The following UBAP1L variants were observed in gnomAD, a reference collection of about 807,000 sequenced individuals.
The protein encoded by UBAP1L is ubiquitin-associated protein 1-like.
Under a neutral mutation model 32.1 loss-of-function variants are expected in UBAP1L, and 32 were observed. The observed-to-expected ratio is 1.00, with a 90% CI of 0.75 to 1.34. UBAP1L has a LOEUF of 1.34. UBAP1L is among the 40% of genes most tolerant of loss of function. UBAP1L has a pLI of 0.00. For synonymous variants in UBAP1L, 243 were observed against 250.2 expected, an observed-to-expected ratio of 0.97 and a Z score of 0.27; for missense variants, 516 against 540.5, an observed-to-expected ratio of 0.95 and a Z score of 0.45.
chr15:65,095,975 CTG>C (rs1294566335), intron 4 of UBAP1L: 3 of 152,192 alleles, frequency 2.0e-5, no homozygotes, highest in Non-Finnish European at 4.4e-5. Context: ...GTTGAGGAAA[CTG>C]AGGTTCAGGC....
Position 65,102,201 on chromosome 15 carries a change from G to C in UBAP1L, c.604C>G (p.Pro202Ala), listed in dbSNP as rs1340489929. The change falls in exon 3 of 6, where the codon CCC becomes GCC. Residue 202 changes from proline to alanine, a missense_variant. Pro to Ala is a conservative substitution (Grantham distance 27). Coordinates refer to ENST00000559089, the MANE Select transcript of UBAP1L (RefSeq NM_001163692.2). The surrounding 1 kb of genome is among the most constrained non-coding windows in gnomAD (Gnocchi z 5.0). Reference protein sequence around the residue: ...QSPRSASPPGPAPQHPAAPAS... With the variant: ...QSPRSASPPGAAPQHPAAPAS... Reference sequence around the variant, plus strand: ...GGGGCGGCGGGGTGCTGGGGCGCGGGCCCCGGGGGTGATGCAGACCTGGGG... The same window carrying C: ...GGGGCGGCGGGGTGCTGGGGCGCGGCCCCCGGGGGTGATGCAGACCTGGGG... 2 of 1,201,424 alleles carry C rather than the reference G, an allele frequency of 1.7e-6. No individual in the cohort carries two copies. The highest frequency in any genetic ancestry group is 2.1e-6 in the Non-Finnish European group (2 of 968,660). The allele number at this position is 1,201,424 out of a possible 1,614,324, so 74.4% of individuals were successfully genotyped here. A position where few individuals can be genotyped will look rare whatever the true frequency, so the allele number is the denominator to read the frequency against.
rs186801234 is a variant in UBAP1L, at chr15:65,110,698, A to G, written c.-173-4310T>C. On this transcript the variant is annotated intron_variant, in intron 1 of 5. Coordinates refer to ENST00000559089, the MANE Select transcript of UBAP1L (RefSeq NM_001163692.2). The stretch of plus-strand genomic sequence containing the variant: ...AGACTCTGTCTCAAAAAAAAAAAAA[A>G]AAAAGAAAAGAAAAGAAAAAGAACA... Among the ~76,000 whole-genome samples, 1,024 of 150,844 alleles carry G rather than the reference A, an allele frequency of 6.8e-3. 5 individuals are homozygous for G. The highest frequency in any genetic ancestry group is 0.013 in the East Asian group (65 of 5,158).
At position 65,094,628 on chromosome 15, in the gene UBAP1L, C is replaced by T. The variant is rs1157453317; in HGVS notation, c.910-52G>A. 1.1e-5 allele frequency: 15 copies of T among 1,385,434 alleles called. No individual in the cohort carries two copies. Among genetic ancestry groups the T allele is most frequent in the Non-Finnish European group, 1.5e-5 (15 of 998,974 alleles). The allele number at this position is 1,385,434 out of a possible 1,614,324, so 85.8% of individuals were successfully genotyped here. ...GGGAGGGTAAGAGGAGCAGCCGGGG[C>T]AGCAGACAGGGCAGAGAGGCACTCC... On this transcript the variant is annotated intron_variant, in intron 4 of 5. Coordinates refer to ENST00000559089, the MANE Select transcript of UBAP1L (RefSeq NM_001163692.2). This position sits in a 1 kb window ranked among gnomAD's most constrained non-coding sequence, Gnocchi z 4.2.
intron 1 of UBAP1L, among the ~76,000 whole-genome samples, chr15:65,109,560 TCA>T (rs1595923748): frequency 7.0e-6 from 1 of 142,266 alleles, no homozygotes; most frequent in Admixed American, 7.0e-5. Flanking sequence ...CAAAAACAAA[TCA>T]CAGAGTGGGA....
Position 65,094,756 on chromosome 15 carries a change from G to A in UBAP1L, c.910-180C>T. 1 of 615,228 alleles carries A rather than the reference G, an allele frequency of 1.6e-6. No homozygotes were observed. Among genetic ancestry groups the A allele is most frequent in the Non-Finnish European group, 2.9e-6 (1 of 342,770 alleles). The allele number at this position is 615,228 out of a possible 1,614,324, so 38.1% of individuals were successfully genotyped here. On this transcript the variant is annotated intron_variant, in intron 4 of 5. Transcript: ENST00000559089. The surrounding 1 kb of genome is among the most constrained non-coding windows in gnomAD (Gnocchi z 4.2). ...GAAGGGGGATAGAGGCTTTCTCTGAGTGCCTGGCGATAGGCAGACAATGGG... is the reference window on the plus strand; with the variant it reads ...GAAGGGGGATAGAGGCTTTCTCTGAATGCCTGGCGATAGGCAGACAATGGG...
rs1566969423 is a variant in UBAP1L, at chr15:65,109,501, A to C, written c.-173-3113T>G. On this transcript the variant is annotated intron_variant, in intron 1 of 5. Transcript: ENST00000559089. ...CTGTCTCAAAAAAAAAAAAAAAAAA[A>C]AAAACTTCCATTCATCAGAATATAC... 2.6e-5 allele frequency among the ~76,000 whole-genome samples: 4 copies of C among 151,370 alleles called. No homozygotes were observed. The South Asian group carries it at 8.3e-4, about 32-fold the overall frequency.
chr15:65,111,479 A>G (rs929875087), intron 1 of UBAP1L, among the ~76,000 whole-genome samples: 1 of 151,906 alleles, frequency 6.6e-6, no homozygotes, highest in Non-Finnish European at 1.5e-5. Flanking sequence ...TTTGGGGAAC[A>G]TATCTATTTT....
Position 65,102,829 on chromosome 15 carries a change from G to T in UBAP1L, c.121-145C>A. 2 of 714,314 alleles carry T rather than the reference G, an allele frequency of 2.8e-6. No individual in the cohort carries two copies. Among genetic ancestry groups the T allele is most frequent in the Non-Finnish European group, 4.4e-6 (2 of 456,312 alleles). 44.2% of individuals were successfully genotyped at this position (714,314 alleles called of 1,614,324 possible). A position where few individuals can be genotyped will look rare whatever the true frequency, so the allele number is the denominator to read the frequency against. On this transcript the variant is annotated intron_variant, in intron 2 of 5. Transcript: ENST00000559089. This position sits in a 1 kb window ranked among gnomAD's most constrained non-coding sequence, Gnocchi z 5.0. ...TTCTGAGCCCCGGGCTTCCATCACA[G>T]CCCACTCTACCCTGGGTTTTAGCTA... is the stretch of plus-strand genomic sequence containing the variant.
chr15:65,112,255 G>T (rs995690895), intron 1 of UBAP1L, among the ~76,000 whole-genome samples: 1 of 152,232 alleles, frequency 6.6e-6, no homozygotes, highest in African/African-American at 2.4e-5. Flanking sequence ...CAGATGGTCT[G>T]TGCTGGGAAG....
rs1395863576 is a variant in UBAP1L at position 65,105,684 on chromosome 15, G to A, written c.120+412C>T. 5 of 687,966 alleles carry A rather than the reference G, an allele frequency of 7.3e-6. No homozygotes were observed. In the Admixed American group the frequency reaches 8.9e-5, roughly 12 times the overall value. 42.6% of individuals were successfully genotyped at this position (687,966 alleles called of 1,614,324 possible). On this transcript the variant is annotated intron_variant, in intron 2 of 5. Coordinates refer to ENST00000559089, the MANE Select transcript of UBAP1L (RefSeq NM_001163692.2). ...AAAAGCCATTAAGTATCTGAAAGAT[G>A]TCACTTTACAGAAATAGTGTGTACC...
rs199919506 is a variant in UBAP1L at position 65,094,249 on chromosome 15, C to T, written c.1011+226G>A. ...CCTGCTGCTCTCTGCCTCCTGTCCC[C>T]GTCCCACCTCTTCCTGATCTCCCTC... On this transcript the variant is annotated intron_variant, in intron 5 of 5. Coordinates refer to ENST00000559089, the MANE Select transcript of UBAP1L (RefSeq NM_001163692.2). The surrounding 1 kb of genome is among the most constrained non-coding windows in gnomAD (Gnocchi z 4.2). Among the ~76,000 whole-genome samples, 7 of 152,294 alleles carry T rather than the reference C, an allele frequency of 4.6e-5. No homozygotes were observed. The East Asian group carries it at 1.4e-3, about 29-fold the overall frequency.
At chr15:65,111,253 A>G (rs954433569) in intron 1 of UBAP1L, among the ~76,000 whole-genome samples, 3 of 152,194 alleles carry the variant, frequency 2.0e-5, no homozygotes, top group Admixed American at 1.3e-4. Context: ...GAGACACAGG[A>G]AAGTTCAGCA....
Position 65,106,143 on chromosome 15 carries a change from G to A in UBAP1L, c.73C>T (p.Pro25Ser). 1.3e-6 allele frequency: 2 copies of A among 1,551,052 alleles called. No individual in the cohort carries two copies. Among genetic ancestry groups the A allele is most frequent in the Non-Finnish European group, 1.7e-6 (2 of 1,146,826 alleles). ...CCGCAGGCCGGGACGCTGAGTTCTG[G>A]CCCAGGGAGAGGCTCTGTGCCTATC... ...FVIGTEPLPG[P>S]ELSVPACGEV... is the part of the protein sequence containing the mutation. The change falls in exon 2 of 6, where the codon CCA becomes TCA. Residue 25 changes from proline (P) to serine (S), a missense_variant. By Grantham distance (74) the Pro-to-Ser change is moderately conservative. Coordinates refer to ENST00000559089, the MANE Select transcript of UBAP1L (RefSeq NM_001163692.2).
intron 1 of UBAP1L, among the ~76,000 whole-genome samples, chr15:65,109,242 T>TG (rs1316478669): frequency 3.3e-5 from 5 of 151,526 alleles, no homozygotes; most frequent in Middle Eastern, 3.4e-3. Context: ...CCCAGCACTT[T>TG]GGAGGCCGAG....
At chr15:65,099,464 TCCA>T (rs1239017077) in intron 4 of UBAP1L, 38 bp downstream of exon 4, 25 of 1,539,338 alleles carry the variant, frequency 1.6e-5, no homozygotes, top group Non-Finnish European at 2.1e-5. Context: ...CTCACCTGGC[TCCA>T]GCATCACAGC....
At chr15:65,095,764 T>C (rs1386281371) in intron 4 of UBAP1L, 1 of 152,268 alleles carries the variant, frequency 6.6e-6, no homozygotes, top group African/African-American at 2.4e-5. Flanking sequence ...AGTTGTCAAA[T>C]TGTTTTTGGC....
Position 65,102,514 on chromosome 15 carries a change from C to T in UBAP1L, c.291G>A (p.Pro97=), listed in dbSNP as rs947705293. Residue 97 remains proline, a synonymous_variant, in exon 3 of 6, where the codon CCG becomes CCA. Transcript: ENST00000559089. The surrounding 1 kb of genome is among the most constrained non-coding windows in gnomAD (Gnocchi z 5.0). ...CCGGCCTCTCCTGGTGTCCGGCCTC[C>T]GGGTCTCTGATTGTGGTGGGCGCAG... ...LAPAPTTIRD[P]EAGHQERPEE... The T allele has an allele frequency of 6.1e-6, 9 of 1,480,118 alleles. No individual in the cohort carries two copies. The highest frequency in any genetic ancestry group is 8.1e-6 in the Non-Finnish European group (9 of 1,114,294). 91.7% of individuals were successfully genotyped at this position (1,480,118 alleles called of 1,614,324 possible).
intron 2 of UBAP1L, chr15:65,105,690 T>C: frequency 1.4e-6 from 1 of 689,760 alleles, no homozygotes; most frequent in Non-Finnish European, 2.7e-6. Context: ...AGATGTCACT[T>C]TACAGAAATA....
At chr15:65,105,973 G>T in intron 2 of UBAP1L, 123 bp downstream of exon 2, 1 of 1,373,992 alleles carries the variant, frequency 7.3e-7, no homozygotes, top group Non-Finnish European at 9.9e-7. Context: ...TGTATTGTTA[G>T]TAGATACGGG....
Sources: gnomAD v4.1 joint callset for allele counts (sites outside exome capture counted in the v4.1 genomes callset) on GRCh38, gnomAD v4.1.1 for gene constraint, Gnocchi (gnomAD v3.1) non-coding constraint, MANE v1.5 for transcripts, NCBI Gene and HGNC (gene_info 2026-07-23, HGNC 2026-07-21) for gene names.